The following CNBD1 variants were observed in gnomAD, a reference collection of about 807,000 sequenced individuals.
CNBD1 encodes cyclic nucleotide binding domain containing 1.
CNBD1 carries 71 observed loss-of-function variants against 54.4 expected under a neutral mutation model. The observed-to-expected ratio is 1.30, with a 90% CI of 1.08 to 1.59. The LOEUF (loss-of-function observed/expected upper bound fraction) is 1.59. CNBD1 is among the 40% of genes most tolerant of loss of function. CNBD1 has a pLI of 0.00. For missense variants in CNBD1, 659 were observed against 518.0 expected, an observed-to-expected ratio of 1.27 and a Z score of -2.64; for synonymous variants, 182 against 170.7, an observed-to-expected ratio of 1.07 and a Z score of -0.51.
intron 5 of CNBD1, among the ~76,000 whole-genome samples, chr8:87,223,107 A>G (rs1383542416): frequency 2.0e-5 from 3 of 149,890 alleles, no homozygotes; most frequent in East Asian, 3.9e-4. Context: ...CCAGACTTAC[A>G]TAAAAACCCC....
chr8:86,905,225 G>T (rs753801925), intron 3 of CNBD1, 31 bp downstream of exon 3: 1 of 1,270,502 alleles, frequency 7.9e-7, no homozygotes, highest in Non-Finnish European at 1.1e-6. Flanking sequence ...AAGCAAGGTT[G>T]ATGGGTGTGT....
chr8:86,960,213 T>C (rs1241522715), intron 4 of CNBD1, among the ~76,000 whole-genome samples: 1 of 150,950 alleles, frequency 6.6e-6, no homozygotes, highest in Non-Finnish European at 1.5e-5. Flanking sequence ...GCACAAGGGG[T>C]CAGGGAATTC....
At chr8:87,345,728 G>T (rs1464385971) in intron 8 of CNBD1, among the ~76,000 whole-genome samples, 2 of 150,666 alleles carry the variant, frequency 1.3e-5, no homozygotes, top group South Asian at 2.1e-4. Flanking sequence ...ACATAAAAAA[G>T]ACTTAAAAAT....
At chr8:87,016,846 T>C (rs80298882) in intron 4 of CNBD1, among the ~76,000 whole-genome samples, 4,521 of 152,152 alleles carry the variant, frequency 0.03, 228 homozygotes, top group African/African-American at 0.1. Context: ...TGCCCAACGC[T>C]CCCTATAAAA....
At chr8:87,211,664 AT>A (rs1038927475) in intron 5 of CNBD1, among the ~76,000 whole-genome samples, 1 of 152,038 alleles carries the variant, frequency 6.6e-6, no homozygotes, top group Non-Finnish European at 1.5e-5. Flanking sequence ...GTCTGCTTCC[AT>A]TTTACCTTCT....
intron 8 of CNBD1, among the ~76,000 whole-genome samples, chr8:87,345,097 A>T (rs1810142901): frequency 6.6e-6 from 1 of 152,172 alleles, no homozygotes; most frequent in Admixed American, 6.5e-5. Context: ...AAACTCTGTG[A>T]CACAAAGTCA....
chr8:87,379,005 G>T (rs1291910746), intron 10 of CNBD1, among the ~76,000 whole-genome samples: 1 of 149,346 alleles, frequency 6.7e-6, no homozygotes, highest in African/African-American at 2.5e-5. Context: ...CATTGATTTT[G>T]TAAACTGAGA....
At position 87,129,927 on chromosome 8, in the gene CNBD1, C is replaced by T. The variant is rs190144537; in HGVS notation, c.432-76066C>T. On this transcript the variant is annotated intron_variant, in intron 4 of 10. Coordinates refer to ENST00000518476, the MANE Select transcript of CNBD1 (RefSeq NM_173538.3). ...CTACAGATTCACGTGGCTGGGGAAG[C>T]CTCACAATCATGGTGGAAGGCAAGG... is the stretch of plus-strand genomic sequence containing the variant. 4.2e-3 allele frequency among the ~76,000 whole-genome samples: 642 copies of T among 152,212 alleles called. 4 individuals carry two copies. The highest frequency in any genetic ancestry group is 0.015 in the African/African-American group (617 of 41,538).
chr8:87,372,327 T>C (rs1028593656), intron 10 of CNBD1, among the ~76,000 whole-genome samples: 2 of 152,012 alleles, frequency 1.3e-5, no homozygotes, highest in African/African-American at 4.8e-5. Flanking sequence ...GTTGTAGATA[T>C]CTTTTAGTTT....
chr8:87,295,520 A>G (rs1364355264), intron 8 of CNBD1, among the ~76,000 whole-genome samples: 2 of 152,036 alleles, frequency 1.3e-5, no homozygotes, highest in Non-Finnish European at 2.9e-5. Flanking sequence ...ATAAAATTAA[A>G]CACCTTTTAA....
chr8:87,165,940 G>T (rs76133147), intron 4 of CNBD1, among the ~76,000 whole-genome samples: 1,918 of 151,934 alleles, frequency 0.013, 55 homozygotes, highest in African/African-American at 0.043. Context: ...CAAAGTCAGA[G>T]GATATGAACT....
chr8:87,172,038 T>C (rs1347177577), intron 4 of CNBD1, among the ~76,000 whole-genome samples: 1 of 152,158 alleles, frequency 6.6e-6, no homozygotes, highest in Non-Finnish European at 1.5e-5. Flanking sequence ...CATTATCATT[T>C]GTTTCATGAA....
chr8:87,383,079 GAC>G (rs1811114586), downstream of CNBD1, among the ~76,000 whole-genome samples: 1 of 151,938 alleles, frequency 6.6e-6, no homozygotes, highest in African/African-American at 2.4e-5. Flanking sequence ...AAGGCAAAAA[GAC>G]ATTGAATAGC....
chr8:87,150,947 A>C (rs931685034), intron 4 of CNBD1, among the ~76,000 whole-genome samples: 1 of 152,200 alleles, frequency 6.6e-6, no homozygotes, highest in African/African-American at 2.4e-5. Context: ...TAAGTGTTCT[A>C]AAATAAATGC....
chr8:87,015,638 A>G (rs1809338758), intron 4 of CNBD1, among the ~76,000 whole-genome samples: 1 of 151,760 alleles, frequency 6.6e-6, no homozygotes. Flanking sequence ...GGCTCCTGTA[A>G]CTTTTACTAA....
chr8:87,227,069 C>CT (rs1377554864), intron 5 of CNBD1, among the ~76,000 whole-genome samples: 4 of 151,324 alleles, frequency 2.6e-5, no homozygotes, highest in African/African-American at 7.3e-5. Context: ...CAACCCCTGC[C>CT]TTTTTTTGTT....
At chr8:87,109,858 C>G (rs895081912) in intron 4 of CNBD1, among the ~76,000 whole-genome samples, 2 of 152,028 alleles carry the variant, frequency 1.3e-5, no homozygotes, top group African/African-American at 4.8e-5. Flanking sequence ...TTTTTGTACA[C>G]AGAATCCTGA....
At chr8:87,373,758 T>C (rs931606788) in intron 10 of CNBD1, among the ~76,000 whole-genome samples, 28 of 151,790 alleles carry the variant, frequency 1.8e-4, no homozygotes, top group Non-Finnish European at 4.4e-5. Context: ...CCAAATGTTA[T>C]ATGAAGAAAA....
At chr8:87,218,598 T>C (rs1443605259) in intron 5 of CNBD1, among the ~76,000 whole-genome samples, 6 of 152,068 alleles carry the variant, frequency 3.9e-5, no homozygotes, top group African/African-American at 1.4e-4. Flanking sequence ...GAGAAATATA[T>C]TCAATGTTAT....
Sources: allele counts gnomAD v4.1 joint callset (sites outside exome capture counted in the v4.1 genomes callset), GRCh38; gene constraint gnomAD v4.1.1; transcripts MANE v1.5; gene names NCBI Gene and HGNC (gene_info 2026-07-23, HGNC 2026-07-21).